The following HMX1 variants were observed in gnomAD, a reference collection of about 807,000 sequenced individuals.
HMX1 encodes homeobox protein HMX1.
In HMX1, 8 loss-of-function variants were observed where a neutral mutation model predicts 8.9. The observed-to-expected ratio is 0.90, with a 90% CI of 0.53 to 1.63. The LOEUF (loss-of-function observed/expected upper bound fraction) is 1.63. Among genes scored for constraint, HMX1 ranks in the 40% most tolerant of loss-of-function variants. The pLI is 0.00. For synonymous variants in HMX1, 311 were observed against 283.4 expected (o/e 1.10, Z -0.98); for missense variants, 621 against 558.5 (o/e 1.11, Z -1.13).
rs1008918168 is a variant in HMX1, at chr4:8,849,739, C to T, written c.395-3415G>A. Among the ~76,000 whole-genome samples the T allele has an allele frequency of 6.6e-6, 1 of 152,212 alleles. No individual in the cohort carries two copies. The highest frequency in any genetic ancestry group is 1.5e-5 in the Non-Finnish European group (1 of 68,028). ...GGGTTTTTCTCCCTCTCTTCCAATCCTCTGCCCTTGCTGGGTAGGGCAGGA... is the reference window on the plus strand; with the variant it reads ...GGGTTTTTCTCCCTCTCTTCCAATCTTCTGCCCTTGCTGGGTAGGGCAGGA... On this transcript the variant is annotated intron_variant, in intron 1 of 1. Coordinates refer to the HMX1 transcript ENST00000506970. This position sits in a 1 kb window ranked among gnomAD's most constrained non-coding sequence, Gnocchi z 6.6.
rs771660273 is a variant in HMX1, at chr4:8,868,341, G to A, written c.399C>T (p.Ser133=). Residue 133 remains serine (S), a synonymous_variant, in exon 2 of 2, where the codon AGC becomes AGT. Coordinates refer to ENST00000400677, the MANE Select transcript of HMX1 (RefSeq NM_018942.3). The surrounding 1 kb of genome is among the most constrained non-coding windows in gnomAD (Gnocchi z 4.6). Reference sequence around the variant, plus strand: ...CGCCCGTCTCCGGTGAGTCCCGGTCGCTGGCTGCAGGGGAGAGAGGGCACC... The same window carrying A: ...CGCCCGTCTCCGGTGAGTCCCGGTCACTGGCTGCAGGGGAGAGAGGGCACC... ...GYGGGLSPDT[S]DRDSPETGEE... 5 of 1,377,810 alleles carry A rather than the reference G, an allele frequency of 3.6e-6. No homozygotes were observed. The highest frequency in any genetic ancestry group is 3.1e-5 in the East Asian group (1 of 32,732). The allele number at this position is 1,377,810 out of a possible 1,614,324, so 85.3% of individuals were successfully genotyped here.
Position 8,853,170 on chromosome 4 carries a change from G to A in HMX1, c.395-6846C>T, listed in dbSNP as rs186180769. Among the ~76,000 whole-genome samples, 333 of 152,268 alleles carry A rather than the reference G, an allele frequency of 2.2e-3. No homozygotes were observed. The highest frequency in any genetic ancestry group is 4.5e-3 in the Admixed American group (69 of 15,298). ...ATTTCTTAAATGGAAGCCAAGTCAT[G>A]GTAGCTTACACAAGACAGAAAGTTT... On this transcript the variant is annotated intron_variant, in intron 1 of 1. Coordinates refer to the HMX1 transcript ENST00000506970. The surrounding 1 kb of genome is among the most constrained non-coding windows in gnomAD (Gnocchi z 4.7).
chr4:8,860,950 C>CGGGCGGGGGCGGGGGCGGGGGCGG (rs1306130627), intron 1 of HMX1: 1 of 91,444 alleles, frequency 1.1e-5, no homozygotes, highest in African/African-American at 3.7e-5. Flanking sequence ...CCAGGTGAGC[C>CGGGCGGGGGCGGGGGCGGGGGCGG]GGGCGGGGGC....
At chr4:8,858,644 C>A (rs1721693266) in intron 1 of HMX1, 1 of 152,224 alleles carries the variant, frequency 6.6e-6, no homozygotes, top group Non-Finnish European at 1.5e-5. Flanking sequence ...CGGGGCCTCG[C>A]TTCTGGCGGC....
chr4:8,861,317 G>C (rs1721807512), intron 1 of HMX1, among the ~76,000 whole-genome samples: 1 of 152,220 alleles, frequency 6.6e-6, no homozygotes, highest in Non-Finnish European at 1.5e-5. Context: ...CCTGGGAGGG[G>C]CGGGTCGGGA....
At chr4:8,861,939 G>A (rs1226811449) in intron 1 of HMX1, among the ~76,000 whole-genome samples, 1 of 152,250 alleles carries the variant, frequency 6.6e-6, no homozygotes, top group East Asian at 1.9e-4. Flanking sequence ...CAGCGAAGTC[G>A]GAACCACGTC....
Position 8,871,359 on chromosome 4 carries a change from G to T in HMX1, c.256C>A (p.Leu86Met). The change falls in exon 1 of 2, where the codon CTG becomes ATG. Residue 86 changes from leucine to methionine, a missense_variant. Transcript: ENST00000400677. This position sits in a 1 kb window ranked among gnomAD's most constrained non-coding sequence, Gnocchi z 4.8. ...AGGCCCAGCGCGCCCGGCCCGAGCA[G>T]CGCACGGGCCCGCGCCTCCCCGCCG... ...GPGGEARARALLGPGALGLGP... is the reference protein window; with the variant it reads ...GPGGEARARAMLGPGALGLGP... The T allele has an allele frequency of 1.4e-5, 17 of 1,246,282 alleles. No homozygotes were observed. The highest frequency in any genetic ancestry group is 1.7e-5 in the Non-Finnish European group (17 of 996,198). The allele number at this position is 1,246,282 out of a possible 1,614,324, so 77.2% of individuals were successfully genotyped here.
intron 1 of HMX1, among the ~76,000 whole-genome samples, chr4:8,850,739 C>A (rs376563467): frequency 6.6e-6 from 1 of 152,250 alleles, no homozygotes; most frequent in Non-Finnish European, 1.5e-5. Context: ...CCCTTCCCCG[C>A]GGGTGGGCGT....
At chr4:8,857,961 AG>A (rs1488513132) in intron 1 of HMX1, among the ~76,000 whole-genome samples, 4 of 152,048 alleles carry the variant, frequency 2.6e-5, no homozygotes, top group African/African-American at 9.7e-5. Flanking sequence ...CGGGGAGAGG[AG>A]GCGGAGGAGG....
intron 1 of HMX1, among the ~76,000 whole-genome samples, chr4:8,852,987 CAA>C (rs879934822): frequency 7.5e-6 from 1 of 133,334 alleles, no homozygotes. Flanking sequence ...TAAGGATGGC[CAA>C]AAAAAAAAAA....
At position 8,847,180 on chromosome 4, in the gene HMX1, G is replaced by A. The variant is rs1721302211; in HGVS notation, c.395-856C>T. Reference sequence around the variant, plus strand: ...GAGCCGGGCGTGGTGAGGGATGCCTGTAATCCCAGCTACTTGGGAGGCTGA... The same window carrying A: ...GAGCCGGGCGTGGTGAGGGATGCCTATAATCCCAGCTACTTGGGAGGCTGA... On this transcript the variant is annotated intron_variant, in intron 1 of 1. Coordinates refer to the HMX1 transcript ENST00000506970. The surrounding 1 kb of genome is among the most constrained non-coding windows in gnomAD (Gnocchi z 6.0). Among the ~76,000 whole-genome samples the A allele has an allele frequency of 6.6e-6, 1 of 152,178 alleles. No individual in the cohort carries two copies. The highest frequency in any genetic ancestry group is 2.4e-5 in the African/African-American group (1 of 41,438).
At position 8,871,140 on chromosome 4, in the gene HMX1, G is replaced by C. The variant is rs931384208; in HGVS notation, c.394+81C>G. 30 of 1,243,436 alleles carry C rather than the reference G, an allele frequency of 2.4e-5. No individual in the cohort carries two copies. In the Admixed American group the frequency reaches 2.9e-4, roughly 12 times the overall value. 77.0% of individuals were successfully genotyped at this position (1,243,436 alleles called of 1,614,324 possible). ...AGGATGGCCCAGAACGGGCGGCGAC[G>C]AGCCCGAAGTCCCCCAGCAAATGCG... On this transcript the variant is annotated intron_variant, in intron 1 of 1. Coordinates refer to ENST00000400677, the MANE Select transcript of HMX1 (RefSeq NM_018942.3). The surrounding 1 kb of genome is among the most constrained non-coding windows in gnomAD (Gnocchi z 4.8).
At chr4:8,858,131 G>A (rs972945913) in intron 1 of HMX1, among the ~76,000 whole-genome samples, 2 of 151,862 alleles carry the variant, frequency 1.3e-5, no homozygotes, top group Non-Finnish European at 2.9e-5. Flanking sequence ...GCCGGTCGAG[G>A]CCCCCGTCCA....
intron 1 of HMX1, among the ~76,000 whole-genome samples, chr4:8,855,445 G>C (rs1231236004): frequency 2.6e-5 from 4 of 152,206 alleles, no homozygotes; most frequent in Non-Finnish European, 5.9e-5. Flanking sequence ...GAATGCAAGG[G>C]AGGCAACGAT....
downstream of HMX1, among the ~76,000 whole-genome samples, chr4:8,862,860 A>G (rs1224676863): frequency 6.6e-6 from 1 of 152,144 alleles, no homozygotes; most frequent in Non-Finnish European, 1.5e-5. Context: ...TCGGCGCCCG[A>G]TCCTGTGTGT....
intron 1 of HMX1, among the ~76,000 whole-genome samples, chr4:8,850,856 A>T (rs964434674): frequency 9.2e-5 from 14 of 152,148 alleles, no homozygotes; most frequent in African/African-American, 3.4e-4. Flanking sequence ...TGTTGCCGCC[A>T]GTGTTGTCTG....
At position 8,868,866 on chromosome 4, in the gene HMX1, T is replaced by C. The variant is rs550420333; in HGVS notation, c.395-521A>G. On this transcript the variant is annotated intron_variant, in intron 1 of 1. Coordinates refer to ENST00000400677, the MANE Select transcript of HMX1 (RefSeq NM_018942.3). This position sits in a 1 kb window ranked among gnomAD's most constrained non-coding sequence, Gnocchi z 4.6. ...ACGCCAAGCTCCCCAGAAGGAGGAA[T>C]GAAGAGTTCACAGGCCTCTTCCCGC... Among the ~76,000 whole-genome samples, 2 of 152,130 alleles carry C rather than the reference T, an allele frequency of 1.3e-5. No individual in the cohort carries two copies. The highest frequency in any genetic ancestry group is 2.9e-5 in the Non-Finnish European group (2 of 68,034).
chr4:8,869,043 C>T (rs1051893882), intron 1 of HMX1, among the ~76,000 whole-genome samples: 1 of 152,230 alleles, frequency 6.6e-6, no homozygotes, highest in Non-Finnish European at 1.5e-5. Flanking sequence ...CAAGTCCACA[C>T]CAGCCACAAT....
At chr4:8,865,879 G>C (rs1255322526), downstream of HMX1, among the ~76,000 whole-genome samples, 2 of 152,226 alleles carry the variant, frequency 1.3e-5, no homozygotes, top group African/African-American at 2.4e-5. Flanking sequence ...AGGGAGCCCG[G>C]ACACAAGCCT....
Sources: gnomAD v4.1 joint callset for allele counts (sites outside exome capture counted in the v4.1 genomes callset) on GRCh38, gnomAD v4.1.1 for gene constraint, Gnocchi (gnomAD v3.1) non-coding constraint, MANE v1.5 for transcripts, NCBI Gene and HGNC (gene_info 2026-07-23, HGNC 2026-07-21) for gene names.